Variants in CTNND2 observed in about 807,000 individuals in gnomAD.
CTNND2 encodes catenin delta 2.
Under a neutral mutation model 144.4 loss-of-function variants are expected in CTNND2, and 22 were observed. The observed-to-expected ratio is 0.15, with a 90% confidence interval of 0.11 to 0.22. The LOEUF is 0.22. CTNND2 is among the 10% of genes least tolerant of loss of function. CTNND2 has a pLI of 1.00. For synonymous variants in CTNND2, 751 were observed against 695.6 expected (o/e 1.08, Z -1.25); for missense variants, 1,353 against 1,618.8 (o/e 0.84, Z 2.82).
At chr5:11,641,636 G>A (rs1782015650) in intron 2 of CTNND2, among the ~76,000 whole-genome samples, 1 of 141,452 alleles carries the variant, frequency 7.1e-6, no homozygotes, top group African/African-American at 3.0e-5. Context: ...ATATACGTGT[G>A]TGTATATACA....
intron 9 of CTNND2, among the ~76,000 whole-genome samples, chr5:11,268,227 G>T (rs1745651643): frequency 6.6e-6 from 1 of 152,156 alleles, no homozygotes; most frequent in Non-Finnish European, 1.5e-5. Context: ...AACCTATTTT[G>T]AGTGAGTTTA....
At chr5:11,782,771 G>C (rs936455027) in intron 1 of CTNND2, among the ~76,000 whole-genome samples, 1 of 152,132 alleles carries the variant, frequency 6.6e-6, no homozygotes, top group Non-Finnish European at 1.5e-5. Context: ...ATGAGATTCA[G>C]ATTTCATTTC....
chr5:11,855,840 G>T (rs1207479914), intron 1 of CTNND2, among the ~76,000 whole-genome samples: 3 of 152,196 alleles, frequency 2.0e-5, no homozygotes, highest in African/African-American at 4.8e-5. Flanking sequence ...CTTTCTAGAT[G>T]ATGGGGATGG....
chr5:11,685,438 T>C (rs1318708397), intron 2 of CTNND2, among the ~76,000 whole-genome samples: 2 of 152,222 alleles, frequency 1.3e-5, no homozygotes, highest in East Asian at 3.8e-4. Flanking sequence ...GAGTGCCAGG[T>C]AATATTTGAT....
chr5:11,376,320 G>GTGTGTGTGTGTGTGTGTTCATGTATC (rs1554044755), intron 7 of CTNND2, among the ~76,000 whole-genome samples: 1 of 28,624 alleles, frequency 3.5e-5, no homozygotes, highest in African/African-American at 1.6e-4. Context: ...CTTTGTGTGT[G>GTGTGTGTGTGTGTGTGTTCATGTATC]TGTGTGTGTG....
intron 3 of CTNND2, among the ~76,000 whole-genome samples, chr5:11,551,421 T>G (rs1298380094): frequency 2.5e-5 from 3 of 119,644 alleles, no homozygotes; most frequent in Non-Finnish European, 5.0e-5. Context: ...TATTTATGCT[T>G]TTTCTTTTTT....
At chr5:11,814,840 T>C (rs1792540079) in intron 1 of CTNND2, among the ~76,000 whole-genome samples, 1 of 152,212 alleles carries the variant, frequency 6.6e-6, no homozygotes, top group Non-Finnish European at 1.5e-5. Flanking sequence ...ACAATATAGA[T>C]TGTTGTATGT....
In CTNND2 at chr5:11,117,461, T is replaced by C. The variant is rs1168213802; in HGVS notation, c.2266A>G (p.Ile756Val). Residue 756 changes from isoleucine to valine, a missense_variant, in exon 13 of 22, where the codon ATC becomes GTC. Ile to Val is a conservative substitution (Grantham distance 29, BLOSUM62 3). Around this residue, in one of 4 missense-constraint regions of CTNND2, gnomAD observed 459 missense variants for 674.3 expected, o/e 0.68. Transcript: ENST00000304623. ...CCAGCACAACCAACCTTGCTATCGA[T>C]CTCACTGCTCCCCAGCGCAGACTGG... ...VIQSALGSSE[I>V]DSKTVENCVC... 3 of 1,613,646 alleles carry C rather than the reference T, an allele frequency of 1.9e-6. No homozygotes were observed. The highest frequency in any genetic ancestry group is 2.2e-5 in the East Asian group (1 of 44,866).
At position 11,215,734 on chromosome 5, in the gene CTNND2, T is replaced by C. The variant is rs61750755; in HGVS notation, c.1762-16073A>G. On this transcript the variant is annotated intron_variant, in intron 10 of 21. Transcript: ENST00000304623. ...TCCATTGATTCATTTCTTAGGATGT[T>C]CATCACAGAGAAATTAAACACACAG... 1.4e-3 allele frequency among the ~76,000 whole-genome samples: 211 copies of C among 152,326 alleles called. 1 individual carries two copies. The highest frequency in any genetic ancestry group is 6.8e-3 in the Middle Eastern group (2 of 294).
intron 1 of CTNND2, among the ~76,000 whole-genome samples, chr5:11,866,608 A>C (rs1365269229): frequency 6.6e-6 from 1 of 152,210 alleles, no homozygotes; most frequent in African/African-American, 2.4e-5. Context: ...TTTGTACCTA[A>C]AGTGTGCAGC....
chr5:11,210,727 A>T (rs1307693191), intron 10 of CTNND2, among the ~76,000 whole-genome samples: 1 of 152,222 alleles, frequency 6.6e-6, no homozygotes, highest in African/African-American at 2.4e-5. Flanking sequence ...TCATTAAAAC[A>T]TCTAAGAATG....
At chr5:11,261,617 G>A (rs1005466929) in intron 9 of CTNND2, among the ~76,000 whole-genome samples, 2 of 152,240 alleles carry the variant, frequency 1.3e-5, no homozygotes, top group African/African-American at 2.4e-5. Flanking sequence ...GCTCTGGATG[G>A]TGGGATGCCC....
chr5:11,696,668 T>C (rs1581735945), intron 2 of CTNND2, among the ~76,000 whole-genome samples: 1 of 152,198 alleles, frequency 6.6e-6, no homozygotes, highest in East Asian at 1.9e-4. Context: ...TCATGATACT[T>C]AGAGCCAGCA....
At chr5:11,103,398 C>G (rs1013236775) in intron 14 of CTNND2, among the ~76,000 whole-genome samples, 6 of 152,078 alleles carry the variant, frequency 3.9e-5, no homozygotes, top group Non-Finnish European at 8.8e-5. Context: ...AGGCTGGGCA[C>G]AGTGGCTCAT....
At chr5:11,701,090 T>A (rs1785411764) in intron 2 of CTNND2, among the ~76,000 whole-genome samples, 1 of 152,234 alleles carries the variant, frequency 6.6e-6, no homozygotes. Context: ...ATGTCTTTTA[T>A]GACGTCTAAA....
At chr5:11,254,336 G>T (rs897024444) in intron 9 of CTNND2, among the ~76,000 whole-genome samples, 6 of 152,110 alleles carry the variant, frequency 3.9e-5, no homozygotes, top group Non-Finnish European at 7.4e-5. Context: ...CCCTATCCTG[G>T]CTGTGGTTCT....
intron 9 of CTNND2, among the ~76,000 whole-genome samples, chr5:11,319,314 T>C (rs943121230): frequency 1.1e-4 from 17 of 152,280 alleles, no homozygotes; most frequent in Non-Finnish European, 2.4e-4. Context: ...TCAATAAGTA[T>C]TTGTTGAATA....
At chr5:11,049,497 A>T (rs1745613746) in intron 16 of CTNND2, among the ~76,000 whole-genome samples, 1 of 152,234 alleles carries the variant, frequency 6.6e-6, no homozygotes. Context: ...AAGGCTTGCC[A>T]AATGTGTTAT....
At chr5:11,092,703 G>A (rs993522009) in intron 15 of CTNND2, among the ~76,000 whole-genome samples, 9 of 152,216 alleles carry the variant, frequency 5.9e-5, no homozygotes, top group African/African-American at 2.2e-4. Context: ...TCTAATTGAT[G>A]AGGCACGATG....
Sources: allele counts gnomAD v4.1 joint callset (sites outside exome capture counted in the v4.1 genomes callset), GRCh38; gene constraint gnomAD v4.1.1; regional missense constraint gnomAD v4.1.1; transcripts MANE v1.5; gene names NCBI Gene and HGNC (gene_info 2026-07-23, HGNC 2026-07-21).